The following MRPS18B variants were observed in gnomAD, a reference collection of about 807,000 sequenced individuals.
MRPS18B encodes small ribosomal subunit protein mS40.
MRPS18B carries 27 observed loss-of-function variants against 28.4 expected under a neutral mutation model. The ratio of observed to expected loss-of-function variants is 0.95; its 90% CI spans 0.70 to 1.31. The LOEUF (loss-of-function observed/expected upper bound fraction) is 1.31. MRPS18B is among the 40% of genes most tolerant of loss of function. The pLI, the probability that MRPS18B is intolerant of heterozygous loss-of-function variation, is 0.00. For missense variants in MRPS18B, 343 were observed against 335.9 expected, an observed-to-expected ratio of 1.02 and a Z score of -0.17; for synonymous variants, 118 against 123.7, an observed-to-expected ratio of 0.95 and a Z score of 0.30.
chr6:30,624,802 T>A (rs964838412), intron 5 of MRPS18B, 81 bp from the exon 6 acceptor site: 2 of 1,499,684 alleles, frequency 1.3e-6, no homozygotes, highest in Non-Finnish European at 1.8e-6. Context: ...CTTCCCAATC[T>A]ACCCCTCTGT....
Position 30,619,786 on chromosome 6 carries a change from C to T in MRPS18B, c.265C>T (p.Arg89Trp), listed in dbSNP as rs763959905. Residue 89 changes from arginine to tryptophan, a missense_variant, in exon 3 of 7, where the codon CGG (arginine) becomes TGG (tryptophan). Physicochemically the swap from Arg to Trp is moderately radical, Grantham distance 101 (BLOSUM62 -3). Coordinates refer to ENST00000259873, the MANE Select transcript of MRPS18B (RefSeq NM_014046.4). ...RNHKGGVPPQRTRKTCIRRNK... is the reference protein window; with the variant it reads ...RNHKGGVPPQWTRKTCIRRNK... Reference sequence around the variant, plus strand: ...CCACAAGGGTGGTGTACCCCCACAGCGGACTCGGAAGACATGTATTGTGAG... The same window carrying T: ...CCACAAGGGTGGTGTACCCCCACAGTGGACTCGGAAGACATGTATTGTGAG... 2.4e-5 allele frequency: 38 copies of T among 1,614,080 alleles called. No individual in the cohort carries two copies. The highest frequency in any genetic ancestry group is 4.0e-5 in the African/African-American group (3 of 74,934).
intron 6 of MRPS18B, among the ~76,000 whole-genome samples, 168 bp downstream of exon 6, chr6:30,625,110 C>G (rs1230444556): frequency 6.6e-6 from 1 of 152,214 alleles, no homozygotes; most frequent in Non-Finnish European, 1.5e-5. Context: ...CTTACTTTAT[C>G]ATTGTCCTGT....
chr6:30,625,880 C>A lies in MRPS18B; in HGVS notation c.*83C>A, dbSNP rs142489658. On this transcript the variant is annotated 3_prime_UTR_variant, in exon 7 of 7. Transcript: ENST00000259873. ...CTTTGGGAAGCCAAGGTGGGCTGAT[C>A]ACTTGATCCCAGGAGTTTGAGACCA... 1.1e-3 allele frequency: 1,558 copies of A among 1,418,606 alleles called. 13 individuals carry two copies. In the African/African-American group the frequency reaches 0.013, roughly 12 times the overall value. 87.9% of individuals were successfully genotyped at this position (1,418,606 alleles called of 1,614,324 possible). A position where few individuals can be genotyped will look rare whatever the true frequency, so the allele number is the denominator to read the frequency against.
In MRPS18B at chr6:30,625,543, C is replaced by T. The variant is rs1185550444; in HGVS notation, c.523C>T (p.Leu175Phe). The change falls in exon 7 of 7, where the codon CTT (leucine) becomes TTT (phenylalanine). Residue 175 changes from leucine to phenylalanine, a missense_variant. Transcript: ENST00000259873. ...YHIPQVEPRD[L>F]DFSTSHGAVS... ...CATCCCCCAGGTTGAACCACGGGACCTTGACTTCAGTACCTCTCATGGGGC... is the reference window on the plus strand; with the variant it reads ...CATCCCCCAGGTTGAACCACGGGACTTTGACTTCAGTACCTCTCATGGGGC... The T allele has an allele frequency of 6.3e-6, 10 of 1,587,624 alleles. No individual in the cohort carries two copies. The highest frequency in any genetic ancestry group is 7.8e-6 in the Non-Finnish European group (9 of 1,160,398).
intron 1 of MRPS18B, among the ~76,000 whole-genome samples, chr6:30,619,233 T>C (rs1031501023): frequency 6.6e-6 from 1 of 152,204 alleles, no homozygotes; most frequent in Non-Finnish European, 1.5e-5. Context: ...AGACTTTTTA[T>C]TTGTCTTCTG....
At chr6:30,622,109 A>G (rs1051102614) in intron 4 of MRPS18B, among the ~76,000 whole-genome samples, 2 of 152,126 alleles carry the variant, frequency 1.3e-5, no homozygotes, top group Non-Finnish European at 2.9e-5. Context: ...AGAGAGTTCT[A>G]TGTAAATTGT....
Position 30,626,385 on chromosome 6 carries a change from C to CT in MRPS18B, c.*589dup, listed in dbSNP as rs1178806569. 1 of 174,416 alleles carries CT rather than the reference C, an allele frequency of 5.7e-6. No homozygotes were observed. Among genetic ancestry groups the CT allele is most frequent in the African/African-American group, 2.4e-5 (1 of 41,954 alleles). 10.8% of individuals were successfully genotyped at this position (174,416 alleles called of 1,614,324 possible). On this transcript the variant is annotated 3_prime_UTR_variant, in exon 7 of 7. Transcript: ENST00000259873. ...CTTTTACACAATAAAGCTCTACTGT[C>CT]TCTGGTTTGCTTTGGGCTGTTTCCG...
intron 5 of MRPS18B, among the ~76,000 whole-genome samples, chr6:30,623,335 CAAA>C (rs796312563): frequency 1.6e-5 from 2 of 127,514 alleles, no homozygotes; most frequent in Non-Finnish European, 1.7e-5. Context: ...AGCTCCATCT[CAAA>C]AAAAAAAAAG....
chr6:30,620,048 T>A, intron 4 of MRPS18B, 59 bp downstream of exon 4: 1 of 1,541,170 alleles, frequency 6.5e-7, no homozygotes, highest in Non-Finnish European at 9.0e-7. Flanking sequence ...CTGGGCGCGG[T>A]GGCTCACGCC....
At chr6:30,623,010 C>T (rs973757474) in intron 5 of MRPS18B, 112 bp downstream of exon 5, 2 of 1,050,540 alleles carry the variant, frequency 1.9e-6, no homozygotes, top group African/African-American at 3.2e-5. Context: ...CCTAAAAGGT[C>T]TGGCTGAACC....
Position 30,626,306 on chromosome 6 carries a change from A to G in MRPS18B, c.*509A>G. 1 of 167,062 alleles carries G rather than the reference A, an allele frequency of 6.0e-6. No individual in the cohort carries two copies. Among genetic ancestry groups the G allele is most frequent in the Non-Finnish European group, 1.3e-5 (1 of 77,456 alleles). 10.3% of individuals were successfully genotyped at this position (167,062 alleles called of 1,614,324 possible). On this transcript the variant is annotated 3_prime_UTR_variant, in exon 7 of 7. Coordinates refer to ENST00000259873, the MANE Select transcript of MRPS18B (RefSeq NM_014046.4). ...GGAAACCCCAACCCCTATATATTGT[A>G]AATAGATGGGCTGGGCTAAACATTG...
chr6:30,619,981 G>A lies in MRPS18B; in HGVS notation c.346G>A (p.Asp116Asn), dbSNP rs764907229. Residue 116 changes from aspartate (D) to asparagine (N), a missense_variant, in exon 4 of 7, where the codon GAC becomes AAC. Coordinates refer to ENST00000259873, the MANE Select transcript of MRPS18B (RefSeq NM_014046.4). ...CTGTCGAGATCACAAGTTGCATGTT[G>A]ACTTTAGGGTAAGGAGAGTCTTTTC... ...PICRDHKLHV[D>N]FRNVKLLEQF... is the part of the protein sequence containing the mutation. The A allele has an allele frequency of 8.1e-6, 13 of 1,613,930 alleles. No homozygotes were observed. The highest frequency in any genetic ancestry group is 7.6e-6 in the Non-Finnish European group (9 of 1,179,926).
intron 6 of MRPS18B, 78 bp downstream of exon 6, chr6:30,625,020 T>TGCTCACAC (rs1312186928): frequency 1.3e-6 from 2 of 1,491,014 alleles, no homozygotes. Context: ...TGGATATAAA[T>TGCTCACAC]GCTCACACCT....
At chr6:30,618,256 G>A (rs1760870212) in intron 1 of MRPS18B, among the ~76,000 whole-genome samples, 1 of 151,992 alleles carries the variant, frequency 6.6e-6, no homozygotes, top group Admixed American at 6.6e-5. Context: ...CTAATTAAGG[G>A]GCCATGCTAA....
intron 4 of MRPS18B, among the ~76,000 whole-genome samples, chr6:30,622,336 G>A (rs1761209047): frequency 6.6e-6 from 1 of 151,828 alleles, no homozygotes; most frequent in Non-Finnish European, 1.5e-5. Flanking sequence ...GCCAAGGTGG[G>A]TGTATCACTA....
At chr6:30,621,845 G>C (rs1285959249) in intron 4 of MRPS18B, among the ~76,000 whole-genome samples, 28 of 152,284 alleles carry the variant, frequency 1.8e-4, no homozygotes, top group Non-Finnish European at 1.5e-5. Flanking sequence ...TTCTCAGGAG[G>C]CTGAGGCAGG....
intron 1 of MRPS18B, among the ~76,000 whole-genome samples, chr6:30,619,118 A>G (rs1012932107): frequency 6.6e-6 from 1 of 152,094 alleles, no homozygotes; most frequent in Non-Finnish European, 1.5e-5. Context: ...AGGTTTCACC[A>G]TGTTGGCCAG....
At chr6:30,618,171 A>G (rs145755849) in intron 1 of MRPS18B, among the ~76,000 whole-genome samples, 50 of 151,580 alleles carry the variant, frequency 3.3e-4, no homozygotes, top group African/African-American at 1.2e-3. Context: ...CCATTTCAGT[A>G]AAATAACTTA....
intron 1 of MRPS18B, among the ~76,000 whole-genome samples, chr6:30,618,917 AT>A (rs58866298): frequency 6.6e-5 from 10 of 151,068 alleles, no homozygotes; most frequent in African/African-American, 1.9e-4. Context: ...TATGTACTAG[AT>A]TTTTTTTTCT....
Sources: allele counts gnomAD v4.1 joint callset (sites outside exome capture counted in the v4.1 genomes callset), GRCh38; gene constraint gnomAD v4.1.1; transcripts MANE v1.5; gene names NCBI Gene and HGNC (gene_info 2026-07-23, HGNC 2026-07-21).